Variants in EPAS1 observed in about 807,000 individuals in gnomAD.
EPAS1 encodes endothelial PAS domain protein 1.
In EPAS1, 23 loss-of-function variants were observed where a neutral mutation model predicts 87.9. The observed-to-expected ratio is 0.26, with a 90% confidence interval of 0.19 to 0.37. The LOEUF (loss-of-function observed/expected upper bound fraction) is 0.37. Among genes scored for constraint, EPAS1 ranks in the 10% least tolerant of loss-of-function variants. The pLI is 1.00. For missense variants in EPAS1, 1,138 were observed against 1,120.7 expected (o/e 1.02, Z -0.22); for synonymous variants, 508 against 444.3 (o/e 1.14, Z -1.80).
intron 6 of EPAS1, among the ~76,000 whole-genome samples, chr2:46,366,762 A>T (rs1469041395): frequency 6.6e-6 from 1 of 152,222 alleles, no homozygotes; most frequent in African/African-American, 2.4e-5. Context: ...GAGAGAGCAG[A>T]TGAACTTGTG....
Position 46,380,347 on chromosome 2 carries a change from A to G in EPAS1, c.1675A>G (p.Thr559Ala), listed in dbSNP as rs1266846878. 1.2e-6 allele frequency: 2 copies of G among 1,613,302 alleles called. No individual in the cohort carries two copies. Among genetic ancestry groups the G allele is most frequent in the African/African-American group, 1.3e-5 (1 of 74,654 alleles). ...GCTCTTGGCGGAGAACCCACAGTCC[A>G]CCCCCCAGCACTGCTTCAGTGCCAT... ...ERLLAENPQS[T>A]PQHCFSAMTN... The change falls in exon 12 of 16, where the codon ACC becomes GCC. Residue 559 changes from threonine to alanine, a missense_variant. Physicochemically the swap from Thr to Ala is moderately conservative, Grantham distance 58. This residue lies in a region of EPAS1 where 502 missense variants were observed against 427.1 expected (regional missense o/e 1.18). Coordinates refer to ENST00000263734, the MANE Select transcript of EPAS1 (RefSeq NM_001430.5). The surrounding 1 kb of genome is among the most constrained non-coding windows in gnomAD (Gnocchi z 4.4).
At position 46,346,945 on chromosome 2, in the gene EPAS1, G is replaced by T. The variant is rs759108016; in HGVS notation, c.99G>T (p.Val33=). The T allele has an allele frequency of 6.2e-7, 1 of 1,614,088 alleles. No homozygotes were observed. Among genetic ancestry groups the T allele is most frequent in the Non-Finnish European group, 8.5e-7 (1 of 1,180,032 alleles). Residue 33 remains valine (V), a synonymous_variant, in exon 2 of 16, where the codon GTG becomes GTT. Transcript: ENST00000263734. This position sits in a 1 kb window ranked among gnomAD's most constrained non-coding sequence, Gnocchi z 4.0. ...GCCGGCGGAGCAAGGAGACGGAGGT[G>T]TTCTATGAGCTGGCCCATGAGCTGC... The part of the protein sequence containing the change: ...ARCRRSKETE[V]FYELAHELPL...
At chr2:46,366,950 C>T (rs1684516251) in intron 6 of EPAS1, among the ~76,000 whole-genome samples, 2 of 152,244 alleles carry the variant, frequency 1.3e-5, no homozygotes, top group South Asian at 2.1e-4. Context: ...GGTTTCCTGG[C>T]TTTGTGAAGT....
rs1684058179 is a variant in EPAS1 at position 46,347,564 on chromosome 2, G to T, written c.217+501G>T. On this transcript the variant is annotated intron_variant, in intron 2 of 15. Transcript: ENST00000263734. The surrounding 1 kb of genome is among the most constrained non-coding windows in gnomAD (Gnocchi z 4.2). ...ATTGGTTTCCTCGTGTATAAAATGGGGTTAAACATACTTCTTGCCCAGGGT... is the reference window on the plus strand; with the variant it reads ...ATTGGTTTCCTCGTGTATAAAATGGTGTTAAACATACTTCTTGCCCAGGGT... The T allele has an allele frequency of 4.8e-6, 1 of 208,180 alleles. No individual in the cohort carries two copies. The highest frequency in any genetic ancestry group is 5.2e-5 in the Admixed American group (1 of 19,086). 12.9% of individuals were successfully genotyped at this position (208,180 alleles called of 1,614,324 possible).
intron 6 of EPAS1, among the ~76,000 whole-genome samples, chr2:46,363,300 G>T (rs774370678): frequency 7.2e-5 from 11 of 152,124 alleles, no homozygotes; most frequent in Non-Finnish European, 1.6e-4. Flanking sequence ...AGTCAGATAC[G>T]TGCTTCACCC....
At chr2:46,302,734 GAAA>G (rs368452487) in intron 1 of EPAS1, among the ~76,000 whole-genome samples, 129 of 119,530 alleles carry the variant, frequency 1.1e-3, no homozygotes, top group African/African-American at 4.0e-3. Context: ...GTCTGATTAG[GAAA>G]AAAAAAAAAA....
chr2:46,332,291 C>CGTGTGT (rs57893491), intron 1 of EPAS1, among the ~76,000 whole-genome samples: 1,920 of 110,742 alleles, frequency 0.017, 19 homozygotes, highest in East Asian at 0.041. Flanking sequence ...AAAAAAAATA[C>CGTGTGT]GTGTGTGTGT....
intron 6 of EPAS1, among the ~76,000 whole-genome samples, chr2:46,364,144 A>T (rs1251424997): frequency 1.3e-5 from 2 of 152,194 alleles, no homozygotes; most frequent in African/African-American, 2.4e-5. Context: ...AATCCTGCAA[A>T]AACCAATGCC....
At chr2:46,359,619 A>C (rs1179347101) in intron 4 of EPAS1, among the ~76,000 whole-genome samples, 3 of 152,234 alleles carry the variant, frequency 2.0e-5, no homozygotes, top group African/African-American at 7.2e-5. Context: ...AGGGTGCCAC[A>C]GTTCCTTTGA....
At chr2:46,344,059 G>A (rs1201110749) in intron 1 of EPAS1, among the ~76,000 whole-genome samples, 1 of 152,190 alleles carries the variant, frequency 6.6e-6, no homozygotes, top group Non-Finnish European at 1.5e-5. Context: ...GTGACATTGG[G>A]CAAATGACAT....
chr2:46,311,785 G>A (rs999897824), intron 1 of EPAS1, among the ~76,000 whole-genome samples: 8 of 152,174 alleles, frequency 5.3e-5, no homozygotes, highest in African/African-American at 1.9e-4. Flanking sequence ...GAGATGTTGA[G>A]ACATGGGCAC....
intron 6 of EPAS1, among the ~76,000 whole-genome samples, chr2:46,365,370 T>C (rs1165070907): frequency 6.6e-6 from 1 of 152,206 alleles, no homozygotes; most frequent in Non-Finnish European, 1.5e-5. Flanking sequence ...CATATTAATA[T>C]CAGGAGTTAC....
intron 1 of EPAS1, among the ~76,000 whole-genome samples, chr2:46,341,792 C>T (rs1333167240): frequency 6.6e-6 from 1 of 152,082 alleles, no homozygotes; most frequent in East Asian, 1.9e-4. Flanking sequence ...AAATTGAGAC[C>T]CACGGCTCTG....
intron 1 of EPAS1, among the ~76,000 whole-genome samples, chr2:46,341,796 G>A (rs762505293): frequency 3.9e-5 from 6 of 152,188 alleles, no homozygotes; most frequent in Admixed American, 6.5e-5. Flanking sequence ...TGAGACCCAC[G>A]GCTCTGCAAA....
intron 11 of EPAS1, 100 bp downstream of exon 11, chr2:46,378,867 A>C (rs987385804): frequency 3.1e-5 from 37 of 1,190,054 alleles, no homozygotes; most frequent in Admixed American, 8.9e-5. Context: ...TGTTGTAAAG[A>C]GCAGTGGAGA....
Position 46,360,966 on chromosome 2 carries a change from C to G in EPAS1, c.655C>G (p.Leu219Val). The change falls in exon 6 of 16, where the codon CTG becomes GTG. Residue 219 changes from leucine to valine, a missense_variant. By Grantham distance (32) the Leu-to-Val change is conservative (BLOSUM62 1). Transcript: ENST00000263734. The surrounding 1 kb of genome is among the most constrained non-coding windows in gnomAD (Gnocchi z 4.5). Reference sequence around the variant, plus strand: ...TCTGTGTGGCTACAAGGAGCCCCTGCTGTCCTGCCTCATCATCATGTGTGA... The same window carrying G: ...TCTGTGTGGCTACAAGGAGCCCCTGGTGTCCTGCCTCATCATCATGTGTGA... ...NSLCGYKEPL[L>V]SCLIIMCEPI... 6.2e-7 allele frequency: 1 copy of G among 1,614,194 alleles called. No individual in the cohort carries two copies. Among genetic ancestry groups the G allele is most frequent in the Non-Finnish European group, 8.5e-7 (1 of 1,180,032 alleles).
At chr2:46,314,475 G>A (rs915820891) in intron 1 of EPAS1, among the ~76,000 whole-genome samples, 21 of 152,192 alleles carry the variant, frequency 1.4e-4, no homozygotes, top group African/African-American at 5.1e-4. Flanking sequence ...GGTCCTTTCT[G>A]TTCAGGAAAA....
rs778433702 is a variant in EPAS1 at position 46,356,237 on chromosome 2, G to T, written c.304G>T (p.Val102Leu). 2 of 1,613,796 alleles carry T rather than the reference G, an allele frequency of 1.2e-6. No individual in the cohort carries two copies. Among genetic ancestry groups the T allele is most frequent in the Non-Finnish European group, 1.7e-6 (2 of 1,179,924 alleles). ...AGCCTTGGAGGGTTTCATTGCCGTG[G>T]TGACCCAAGATGGCGACATGATCTT... ...LKALEGFIAV[V>L]TQDGDMIFLS... is the part of the protein sequence containing the mutation. The change falls in exon 3 of 16, where the codon GTG becomes TTG. Residue 102 changes from valine (V) to leucine (L), a missense_variant. Around this residue, in one of 4 missense-constraint regions of EPAS1, gnomAD observed 351 missense variants for 417.1 expected, o/e 0.84. Transcript: ENST00000263734.
chr2:46,376,894 G>C (rs1017979162), intron 9 of EPAS1, 141 bp downstream of exon 9: 6 of 848,624 alleles, frequency 7.1e-6, no homozygotes, highest in Non-Finnish European at 1.1e-5. Context: ...TCACCTGTTA[G>C]AGGCCAGGCC....
Sources: allele counts gnomAD v4.1 joint callset (sites outside exome capture counted in the v4.1 genomes callset), GRCh38; gene constraint gnomAD v4.1.1; regional missense constraint gnomAD v4.1.1; non-coding constraint Gnocchi (gnomAD v3.1); transcripts MANE v1.5; gene names NCBI Gene and HGNC (gene_info 2026-07-23, HGNC 2026-07-21).